Variants in MSH3 observed in about 807,000 individuals in gnomAD.
The protein encoded by MSH3 is DNA mismatch repair protein Msh3.
Under a neutral mutation model 123.3 loss-of-function variants are expected in MSH3, and 106 were observed. That is an observed-to-expected ratio of 0.86 (90% CI 0.73 to 1.01). The LOEUF is 1.01. MSH3 is among the 50% of genes least tolerant of loss of function. The pLI, the probability that MSH3 is intolerant of heterozygous loss-of-function variation, is 0.00. For synonymous variants in MSH3, 515 were observed against 481.4 expected (o/e 1.07, Z -0.91); for missense variants, 1,459 against 1,347.6 (o/e 1.08, Z -1.29).
intron 12 of MSH3, among the ~76,000 whole-genome samples, chr5:80,749,049 A>G (rs1743777989): frequency 6.6e-6 from 1 of 152,038 alleles, no homozygotes; most frequent in Admixed American, 6.6e-5. Flanking sequence ...AAATTTGTAA[A>G]GTTTTATCTT....
At chr5:80,790,860 G>C (rs1744594451) in intron 18 of MSH3, among the ~76,000 whole-genome samples, 1 of 152,166 alleles carries the variant, frequency 6.6e-6, no homozygotes, top group Non-Finnish European at 1.5e-5. Flanking sequence ...AAAAACCAGT[G>C]CCCTGCATAT....
intron 12 of MSH3, among the ~76,000 whole-genome samples, chr5:80,747,173 C>T (rs1743736997): frequency 6.6e-6 from 1 of 152,212 alleles, no homozygotes; most frequent in Non-Finnish European, 1.5e-5. Flanking sequence ...GCCTAAACAT[C>T]TACTACAATT....
chr5:80,787,041 ATTT>A (rs2112019478), intron 17 of MSH3, among the ~76,000 whole-genome samples: 1 of 152,208 alleles, frequency 6.6e-6, no homozygotes, highest in East Asian at 1.9e-4. Flanking sequence ...TACAGTGTTT[ATTT>A]TATGCCAACA....
intron 19 of MSH3, among the ~76,000 whole-genome samples, chr5:80,799,203 C>T (rs1303341286): frequency 2.0e-5 from 3 of 152,010 alleles, no homozygotes; most frequent in Admixed American, 6.6e-5. Flanking sequence ...GGATTTAAGT[C>T]CTGACTTTGG....
chr5:80,829,791 G>T (rs1278675538), intron 20 of MSH3, among the ~76,000 whole-genome samples: 1 of 152,166 alleles, frequency 6.6e-6, no homozygotes. Flanking sequence ...GTCTGAAACA[G>T]ATTATAGAGA....
intron 8 of MSH3, among the ~76,000 whole-genome samples, chr5:80,703,276 A>G (rs2112839410): frequency 6.6e-6 from 1 of 152,328 alleles, no homozygotes; most frequent in South Asian, 2.1e-4. Flanking sequence ...TTGCTAAGTC[A>G]GGGTATCATT....
At chr5:80,862,605 A>G (rs938706355) in intron 21 of MSH3, among the ~76,000 whole-genome samples, 1 of 152,136 alleles carries the variant, frequency 6.6e-6, no homozygotes, top group Admixed American at 6.5e-5. Flanking sequence ...AAATAAAAAC[A>G]AAAAATTAGC....
intron 2 of MSH3, among the ~76,000 whole-genome samples, chr5:80,661,339 C>T (rs1345065097): frequency 3.9e-5 from 6 of 152,050 alleles, no homozygotes; most frequent in Non-Finnish European, 8.8e-5. Context: ...CATTTGTTTT[C>T]CAGGCTTATT....
At chr5:80,872,207 T>C (rs1471465962) in intron 22 of MSH3, among the ~76,000 whole-genome samples, 5 of 152,158 alleles carry the variant, frequency 3.3e-5, no homozygotes, top group Non-Finnish European at 5.9e-5. Context: ...TGGTGGTTCA[T>C]GCCTGTAATC....
At chr5:80,776,911 A>AATATAT (rs1300433748) in intron 16 of MSH3, among the ~76,000 whole-genome samples, 238 of 141,006 alleles carry the variant, frequency 1.7e-3, no homozygotes, top group African/African-American at 2.7e-3. Flanking sequence ...ATATAATACA[A>AATATAT]ATATATATAT....
intron 10 of MSH3, among the ~76,000 whole-genome samples, chr5:80,737,293 AT>A (rs1478910684): frequency 1.3e-5 from 2 of 152,158 alleles, no homozygotes; most frequent in East Asian, 3.9e-4. Context: ...TTTTAAAATG[AT>A]ATTTAAATAA....
intron 20 of MSH3, among the ~76,000 whole-genome samples, chr5:80,814,428 C>T (rs1039508764): frequency 6.6e-6 from 1 of 152,132 alleles, no homozygotes; most frequent in Admixed American, 6.6e-5. Context: ...CCTGCCACCA[C>T]GCCCAGCTGA....
intron 18 of MSH3, among the ~76,000 whole-genome samples, chr5:80,789,859 A>G (rs1348086687): frequency 6.6e-6 from 1 of 152,234 alleles, no homozygotes; most frequent in Non-Finnish European, 1.5e-5. Flanking sequence ...TTTTGAAAAA[A>G]GACCAATGAA....
At chr5:80,690,329 A>G (rs1217173484) in intron 8 of MSH3, among the ~76,000 whole-genome samples, 4 of 151,942 alleles carry the variant, frequency 2.6e-5, no homozygotes. Flanking sequence ...TGTTTTTGAG[A>G]GGAAGTCTTG....
chr5:80,661,683 G>A (rs2112806400), intron 2 of MSH3, among the ~76,000 whole-genome samples: 1 of 152,206 alleles, frequency 6.6e-6, no homozygotes, highest in East Asian at 1.9e-4. Context: ...TTCTGGGGCT[G>A]CATCCCTTGA....
At chr5:80,834,383 T>G (rs1745473028) in intron 20 of MSH3, among the ~76,000 whole-genome samples, 1 of 150,174 alleles carries the variant, frequency 6.7e-6, no homozygotes, top group Admixed American at 6.6e-5. Context: ...TAAAAAGTTC[T>G]ACAAATGGAA....
chr5:80,696,560 G>A (rs1300546895), intron 8 of MSH3, among the ~76,000 whole-genome samples: 1 of 152,090 alleles, frequency 6.6e-6, no homozygotes, highest in African/African-American at 2.4e-5. Context: ...AGTAAACCTG[G>A]GGAACTCACC....
chr5:80,672,402 T>G (rs1280947757), intron 5 of MSH3, 42 bp downstream of exon 5: 1 of 1,432,342 alleles, frequency 7.0e-7, no homozygotes, highest in African/African-American at 1.4e-5. Context: ...AAATTGGGAT[T>G]CTCCTCCAGA....
Position 80,654,675 on chromosome 5 carries a change from G to A in MSH3, c.-53G>A, listed in dbSNP as rs778657958. ...GCAGACGCCTGGGAACTGCGGCCGC[G>A]GGCTCGCGCTCCTCGCCAGGCCCTG... On this transcript the variant is annotated 5_prime_UTR_variant, in exon 1 of 24. Coordinates refer to ENST00000265081, the MANE Select transcript of MSH3 (RefSeq NM_002439.5). 8.5e-6 allele frequency: 13 copies of A among 1,526,284 alleles called. No homozygotes were observed. The highest frequency in any genetic ancestry group is 3.5e-4 in the Middle Eastern group (2 of 5,732). The allele number at this position is 1,526,284 out of a possible 1,614,324, so 94.5% of individuals were successfully genotyped here.
Sources: gnomAD v4.1 joint callset for allele counts (sites outside exome capture counted in the v4.1 genomes callset) on GRCh38, gnomAD v4.1.1 for gene constraint, MANE v1.5 for transcripts, NCBI Gene and HGNC (gene_info 2026-07-23, HGNC 2026-07-21) for gene names.